DNAH14: variants seen among roughly 807,000 people sequenced by gnomAD.
DNAH14 encodes dynein axonemal heavy chain 14.
A neutral mutation model predicts 520.9 loss-of-function variants in DNAH14; 478 were observed. The observed-to-expected ratio is 0.92, with a 90% CI of 0.85 to 0.99. The LOEUF (loss-of-function observed/expected upper bound fraction) is 0.99, where lower values mean the gene tolerates loss of function less well. Ranked by LOEUF, DNAH14 falls within the 50% of genes least tolerant of loss-of-function variation. The pLI is 0.00. For missense variants in DNAH14, 4,831 were observed against 5,234.5 expected, an observed-to-expected ratio of 0.92 and a Z score of 2.38; for synonymous variants, 1,581 against 1,757.2, an observed-to-expected ratio of 0.90 and a Z score of 2.51.
intron 56 of DNAH14, 104 bp from the exon 57 acceptor site, chr1:225,303,052 A>G (rs376771224): frequency 2.2e-6 from 2 of 902,738 alleles, no homozygotes; most frequent in Admixed American, 3.1e-5. Context: ...TGATCTACCC[A>G]CTAAGGAAAG....
At chr1:225,166,237 T>C (rs2082035486) in intron 35 of DNAH14, among the ~76,000 whole-genome samples, 1 of 152,212 alleles carries the variant, frequency 6.6e-6, no homozygotes, top group South Asian at 2.1e-4. Context: ...AGCCTTCTTA[T>C]ATATTCATCT....
At chr1:224,964,730 T>A in intron 5 of DNAH14, 121 bp downstream of exon 5, 1 of 909,196 alleles carries the variant, frequency 1.1e-6, no homozygotes, top group African/African-American at 1.7e-5. Flanking sequence ...CAAGTTACAA[T>A]TATTTCATGG....
At chr1:225,207,465 G>T (rs182789126) in intron 41 of DNAH14, among the ~76,000 whole-genome samples, 1 of 152,232 alleles carries the variant, frequency 6.6e-6, no homozygotes, top group East Asian at 1.9e-4. Flanking sequence ...CCACTAGAGG[G>T]TCTCTATTAA....
chr1:225,101,472 C>T (rs575531633), intron 23 of DNAH14, among the ~76,000 whole-genome samples: 1 of 152,074 alleles, frequency 6.6e-6, no homozygotes, highest in African/African-American at 2.4e-5. Flanking sequence ...GTTTTTTGTA[C>T]CCATCAACCA....
At position 225,207,003 on chromosome 1, in the gene DNAH14, G is replaced by A. The variant is rs1449485632; in HGVS notation, c.6222G>A (p.Lys2074=). 1 of 1,540,764 alleles carries A rather than the reference G, an allele frequency of 6.5e-7. No individual in the cohort carries two copies. The highest frequency in any genetic ancestry group is 2.5e-5 in the East Asian group (1 of 40,576). The change falls in exon 41 of 86, where the codon AAG becomes AAA. Residue 2074 remains lysine, a synonymous_variant. Coordinates refer to ENST00000682510, the MANE Select transcript of DNAH14 (RefSeq NM_001367479.1). ...PVDLGWEPYV[K]SWLLKTSKII... ...ATCTGGGATGGGAACCTTATGTTAA[G>A]TCATGGCTTCTGAAAACTTCTAAAA...
rs2095713657 is a variant in DNAH14, at chr1:225,377,326, A to G, written c.12606A>G (p.Leu4202=). The G allele has an allele frequency of 6.4e-7, 1 of 1,550,688 alleles. No individual in the cohort carries two copies. The highest frequency in any genetic ancestry group is 8.7e-7 in the Non-Finnish European group (1 of 1,146,566). Residue 4202 remains leucine, a synonymous_variant, in exon 79 of 86, where the codon TTA becomes TTG. Transcript: ENST00000682510. ...SLPDDDLPEV[L]GIHPEAIRSC... ...CTGATGATGACCTTCCCGAGGTCTTAGGAATACACCCAGAGGCCATCAGGA... is the reference window on the plus strand; with the variant it reads ...CTGATGATGACCTTCCCGAGGTCTTGGGAATACACCCAGAGGCCATCAGGA...
intron 41 of DNAH14, among the ~76,000 whole-genome samples, chr1:225,208,834 C>G (rs185322003): frequency 2.0e-5 from 3 of 152,074 alleles, no homozygotes; most frequent in African/African-American, 7.2e-5. Flanking sequence ...ATTGACTTGT[C>G]CTCCAATTTA....
At chr1:225,214,840 G>A (rs2089049869) in intron 41 of DNAH14, among the ~76,000 whole-genome samples, 2 of 151,056 alleles carry the variant, frequency 1.3e-5, no homozygotes, top group Non-Finnish European at 3.0e-5. Flanking sequence ...CAATTTTGTT[G>A]ATCTTTTCAA....
At chr1:225,138,466 C>T (rs2079152522) in intron 27 of DNAH14, among the ~76,000 whole-genome samples, 1 of 152,332 alleles carries the variant, frequency 6.6e-6, no homozygotes, top group East Asian at 1.9e-4. Flanking sequence ...CGCTGCTTGG[C>T]TCCCTATAGT....
intron 55 of DNAH14, among the ~76,000 whole-genome samples, chr1:225,294,832 A>AT (rs1434970094): frequency 9.8e-6 from 1 of 102,444 alleles, no homozygotes; most frequent in East Asian, 5.5e-4. Flanking sequence ...TTAAAAAAAA[A>AT]AAAAAGTTGG....
chr1:225,079,911 G>A (rs961284484), intron 18 of DNAH14, among the ~76,000 whole-genome samples: 1 of 151,846 alleles, frequency 6.6e-6, no homozygotes, highest in African/African-American at 2.4e-5. Flanking sequence ...CTGACCTCGT[G>A]ATCCACTCGC....
intron 13 of DNAH14, among the ~76,000 whole-genome samples, chr1:225,043,516 C>A (rs2067670694): frequency 6.6e-6 from 1 of 152,066 alleles, no homozygotes; most frequent in Admixed American, 6.6e-5. Flanking sequence ...TGAAGCAGAG[C>A]CGAGGGCCCC....
intron 27 of DNAH14, among the ~76,000 whole-genome samples, chr1:225,134,330 T>C (rs1398015987): frequency 6.6e-6 from 1 of 152,192 alleles, no homozygotes; most frequent in African/African-American, 2.4e-5. Context: ...GCTTCCAGCT[T>C]TTTCCCATTT....
chr1:224,984,859 A>G (rs1289978536), intron 8 of DNAH14, among the ~76,000 whole-genome samples: 1 of 152,244 alleles, frequency 6.6e-6, no homozygotes, highest in Non-Finnish European at 1.5e-5. Context: ...TAACAAACAC[A>G]TGAAAAAATG....
chr1:225,118,313 T>C (rs564460058), intron 25 of DNAH14: 67 of 382,970 alleles, frequency 1.7e-4, no homozygotes, highest in Middle Eastern at 8.1e-4. Flanking sequence ...TTTTTGGTTT[T>C]AGTATATGAA....
chr1:225,002,954 T>C, intron 9 of DNAH14, 27 bp downstream of exon 9: 1 of 1,474,518 alleles, frequency 6.8e-7, no homozygotes, highest in Non-Finnish European at 9.0e-7. Context: ...TACTATAAGC[T>C]AATATTGGTA....
chr1:224,993,756 G>T (rs1369098491), intron 8 of DNAH14, among the ~76,000 whole-genome samples: 1 of 151,712 alleles, frequency 6.6e-6, no homozygotes, highest in Non-Finnish European at 1.5e-5. Context: ...TGTAGTTTCT[G>T]AAGGCGTAAC....
intron 36 of DNAH14, among the ~76,000 whole-genome samples, chr1:225,171,236 A>C (rs1227949914): frequency 6.6e-6 from 1 of 152,208 alleles, no homozygotes; most frequent in East Asian, 1.9e-4. Context: ...AATCACATTC[A>C]AAAGCTAGCA....
intron 8 of DNAH14, among the ~76,000 whole-genome samples, chr1:224,991,084 C>CATTT (rs1558617220): frequency 1.3e-5 from 1 of 77,900 alleles, no homozygotes; most frequent in African/African-American, 4.3e-5. Flanking sequence ...TGATGTTGAG[C>CATTT]TTTTTTTTTT....
Sources: gnomAD v4.1 joint callset for allele counts (sites outside exome capture counted in the v4.1 genomes callset) on GRCh38, gnomAD v4.1.1 for gene constraint, MANE v1.5 for transcripts, NCBI Gene and HGNC (gene_info 2026-07-23, HGNC 2026-07-21) for gene names.